The following CIMIP6 variants were observed in gnomAD, a reference collection of about 807,000 sequenced individuals.
CIMIP6 encodes the protein ciliary microtubule inner protein 6.
At chr2:54,343,950 C>T in the CIMIP6 span, 6 of 1,228,960 alleles carry the variant, frequency 4.9e-6, no homozygotes, top group East Asian at 8.1e-5. Flanking sequence ...ATTAGATGTC[C>T]GGACAGCTCC....
the CIMIP6 span, among the ~76,000 whole-genome samples, chr2:54,374,382 T>G: frequency 1.3e-5 from 2 of 152,228 alleles, no homozygotes; most frequent in African/African-American, 4.8e-5. Flanking sequence ...GTGATCTGAT[T>G]GAGAGATGAG....
chr2:54,334,002 T>G, the CIMIP6 span, among the ~76,000 whole-genome samples: 1 of 152,256 alleles, frequency 6.6e-6, no homozygotes, highest in African/African-American at 2.4e-5. Context: ...CGGTGCTACC[T>G]GCTTTCTCTG....
the CIMIP6 span, among the ~76,000 whole-genome samples, chr2:54,381,481 C>T: frequency 2.0e-5 from 3 of 152,180 alleles, no homozygotes; most frequent in South Asian, 2.1e-4. Flanking sequence ...TTACAGGGAA[C>T]GTTACTGTTC....
At chr2:54,372,208 T>A in the CIMIP6 span, among the ~76,000 whole-genome samples, 1 of 152,312 alleles carries the variant, frequency 6.6e-6, no homozygotes, top group East Asian at 1.9e-4. Flanking sequence ...GTGGAGCCGA[T>A]CTTCAAGCCA....
the CIMIP6 span, among the ~76,000 whole-genome samples, chr2:54,364,459 G>A: frequency 6.6e-6 from 1 of 152,140 alleles, no homozygotes; most frequent in Admixed American, 6.6e-5. Flanking sequence ...AAGTACTGAA[G>A]CATTTTAAAA....
the CIMIP6 span, among the ~76,000 whole-genome samples, chr2:54,370,551 T>C: frequency 6.6e-6 from 1 of 152,330 alleles, no homozygotes; most frequent in African/African-American, 2.4e-5. Flanking sequence ...AGAGTCTGAA[T>C]TGGGCAAGAA....
the CIMIP6 span, among the ~76,000 whole-genome samples, chr2:54,375,354 C>G: frequency 2.6e-5 from 4 of 152,144 alleles, no homozygotes; most frequent in African/African-American, 9.7e-5. Flanking sequence ...AGGGGCTAAA[C>G]AGGCAATTCA....
chr2:54,345,529 A>C, the CIMIP6 span, among the ~76,000 whole-genome samples: 1 of 152,198 alleles, frequency 6.6e-6, no homozygotes, highest in Non-Finnish European at 1.5e-5. Context: ...CTGTTTTTCA[A>C]GTGCCTTTAA....
At chr2:54,353,148 A>G in the CIMIP6 span, among the ~76,000 whole-genome samples, 150,020 of 152,320 alleles carry the variant, frequency 0.98, 73,896 homozygotes, top group East Asian at 1. Context: ...GATTTTTCAG[A>G]TGTGGAAATT....
the CIMIP6 span, among the ~76,000 whole-genome samples, chr2:54,336,603 A>G: frequency 1.3e-5 from 2 of 152,020 alleles, no homozygotes; most frequent in African/African-American, 2.4e-5. Context: ...GAATAAAGTA[A>G]ATGGGGGAAA....
chr2:54,371,675 G>A, the CIMIP6 span, among the ~76,000 whole-genome samples: 2 of 152,218 alleles, frequency 1.3e-5, no homozygotes, highest in Admixed American at 1.3e-4. Context: ...CGAAGGCAAG[G>A]GCAGCCCAGG....
At chr2:54,333,889 T>C in the CIMIP6 span, among the ~76,000 whole-genome samples, 4 of 151,992 alleles carry the variant, frequency 2.6e-5, no homozygotes, top group African/African-American at 9.7e-5. Context: ...AGACTCCGTC[T>C]CAAAAAGGAA....
At chr2:54,343,802 T>G in the CIMIP6 span, 1 of 1,612,902 alleles carries the variant, frequency 6.2e-7, no homozygotes, top group Non-Finnish European at 8.5e-7. Context: ...AGGAGTGACT[T>G]CCAAAAACCA....
the CIMIP6 span, among the ~76,000 whole-genome samples, chr2:54,376,255 G>C: frequency 6.6e-6 from 1 of 151,692 alleles, no homozygotes; most frequent in East Asian, 1.9e-4. Context: ...TGTTGCCCGA[G>C]CTGGTCTGCA....
chr2:54,378,938 T>G, the CIMIP6 span, among the ~76,000 whole-genome samples: 3 of 152,236 alleles, frequency 2.0e-5, no homozygotes, highest in African/African-American at 7.2e-5. Context: ...TTTTCACATC[T>G]TTGGTTTTTG....
chr2:54,380,902 T>C, the CIMIP6 span, among the ~76,000 whole-genome samples: 1 of 152,256 alleles, frequency 6.6e-6, no homozygotes, highest in Non-Finnish European at 1.5e-5. Flanking sequence ...TGTGGCGATA[T>C]CTTTTTTAGT....
chr2:54,362,405 C>A, the CIMIP6 span, among the ~76,000 whole-genome samples: 2 of 152,134 alleles, frequency 1.3e-5, no homozygotes, highest in Admixed American at 6.5e-5. Context: ...TGGTTTTTTT[C>A]CACCTTAGAA....
At chr2:54,359,313 C>G in the CIMIP6 span, among the ~76,000 whole-genome samples, 1 of 151,910 alleles carries the variant, frequency 6.6e-6, no homozygotes. Flanking sequence ...TGCTTGAGCC[C>G]AGGAGTTCGA....
the CIMIP6 span, chr2:54,383,219 A>G: frequency 6.6e-6 from 1 of 152,248 alleles, no homozygotes; most frequent in Admixed American, 6.5e-5. Context: ...TTCCCATCTC[A>G]TTCAAGCCTT....
Sources: gnomAD v4.1 joint callset for allele counts (sites outside exome capture counted in the v4.1 genomes callset) on GRCh38, gnomAD v4.1.1 for gene constraint, MANE v1.5 for transcripts, NCBI Gene and HGNC (gene_info 2026-07-23, HGNC 2026-07-21) for gene names.